Variants in CTNNAL1 observed in about 807,000 individuals in gnomAD.
CTNNAL1 encodes the protein catenin alpha like 1.
Under a neutral mutation model 93.6 loss-of-function variants are expected in CTNNAL1, and 69 were observed. The ratio of observed to expected loss-of-function variants is 0.74; its 90% CI spans 0.61 to 0.90. The LOEUF is 0.90. Ranked by LOEUF, CTNNAL1 falls within the 40% of genes least tolerant of loss-of-function variation. The pLI, the probability that CTNNAL1 is intolerant of heterozygous loss-of-function variation, is 0.00. For missense variants in CTNNAL1, 836 were observed against 862.0 expected (o/e 0.97, Z 0.38); for synonymous variants, 286 against 305.4 (o/e 0.94, Z 0.66).
At chr9:109,012,223 G>GAC (rs1434506212) in intron 1 of CTNNAL1, among the ~76,000 whole-genome samples, 5 of 152,206 alleles carry the variant, frequency 3.3e-5, no homozygotes, top group African/African-American at 1.2e-4. Context: ...CTGGGCAGGA[G>GAC]AAGAGATAAT....
chr9:108,991,873 T>C, intron 3 of CTNNAL1: 1 of 575,630 alleles, frequency 1.7e-6, no homozygotes, highest in East Asian at 3.1e-5. Flanking sequence ...GTACATACCC[T>C]GGATTCCCAG....
Position 108,966,274 on chromosome 9 carries a change from G to A in CTNNAL1, c.1441-746C>T, listed in dbSNP as rs528598092. On this transcript the variant is annotated intron_variant, in intron 10 of 18. Coordinates refer to ENST00000325551, the MANE Select transcript of CTNNAL1 (RefSeq NM_003798.4). Reference sequence around the variant, plus strand: ...GCAGAAATCATCCTGGTACTTTTACGTACCACCACATGGGCTAAATAAATG... The same window carrying A: ...GCAGAAATCATCCTGGTACTTTTACATACCACCACATGGGCTAAATAAATG... Among the ~76,000 whole-genome samples the A allele has an allele frequency of 3.0e-4, 46 of 152,272 alleles. 1 individual carries two copies. The South Asian group carries it at 8.3e-3, about 27-fold the overall frequency.
chr9:108,958,576 T>C (rs974267379), intron 11 of CTNNAL1, among the ~76,000 whole-genome samples: 2 of 152,168 alleles, frequency 1.3e-5, no homozygotes, highest in African/African-American at 4.8e-5. Flanking sequence ...CCACATACTA[T>C]GCAGGTAAGA....
chr9:108,957,857 C>T (rs1307286991), intron 11 of CTNNAL1, among the ~76,000 whole-genome samples: 2 of 151,918 alleles, frequency 1.3e-5, no homozygotes, highest in Non-Finnish European at 2.9e-5. Context: ...GTGGCTCATG[C>T]CTGTAATCTT....
intron 1 of CTNNAL1, among the ~76,000 whole-genome samples, chr9:109,000,105 T>C (rs28361106): frequency 0.22 from 33,894 of 152,252 alleles, 4,547 homozygotes; most frequent in Admixed American, 0.3. Context: ...AAGCACTTTA[T>C]ATGTATGTTT....
chr9:109,001,169 C>T (rs1315527005), intron 1 of CTNNAL1, among the ~76,000 whole-genome samples: 1 of 108,896 alleles, frequency 9.2e-6, no homozygotes, highest in Non-Finnish European at 1.8e-5. Context: ...GAGACTCCAT[C>T]TCCAAAAAAA....
At chr9:108,964,333 T>C (rs1295485096) in intron 11 of CTNNAL1, among the ~76,000 whole-genome samples, 1 of 152,118 alleles carries the variant, frequency 6.6e-6, no homozygotes, top group Non-Finnish European at 1.5e-5. Flanking sequence ...TAAATGGGCA[T>C]ACTCAATAAA....
intron 2 of CTNNAL1, among the ~76,000 whole-genome samples, chr9:108,997,702 A>G (rs920967157): frequency 2.0e-5 from 3 of 152,132 alleles, no homozygotes; most frequent in African/African-American, 7.2e-5. Context: ...AGCTGTTCAT[A>G]TCCCAAATCT....
At chr9:108,952,645 A>T (rs28361164) in intron 12 of CTNNAL1, 151 bp from the exon 13 acceptor site, 19,936 of 1,007,794 alleles carry the variant, frequency 0.02, 275 homozygotes, top group Non-Finnish European at 0.024. Flanking sequence ...AATTGCAAGT[A>T]CTCTACTAGT....
At chr9:108,952,931 A>G (rs1830603856) in intron 12 of CTNNAL1, among the ~76,000 whole-genome samples, 1 of 152,208 alleles carries the variant, frequency 6.6e-6, no homozygotes, top group African/African-American at 2.4e-5. Context: ...GTAGTTTTCT[A>G]TACATTCCTT....
intron 17 of CTNNAL1, 103 bp from the exon 18 acceptor site, chr9:108,943,147 C>G (rs1830294084): frequency 9.5e-7 from 1 of 1,055,196 alleles, no homozygotes; most frequent in South Asian, 1.7e-5. Flanking sequence ...ATATGGAAAT[C>G]TAAGGGATCT....
rs1175922633 is a variant in CTNNAL1, at chr9:108,984,440, A to C, written c.640-4T>G. The C allele has an allele frequency of 1.3e-6, 2 of 1,572,896 alleles. No individual in the cohort carries two copies. Among genetic ancestry groups the C allele is most frequent in the Non-Finnish European group, 1.7e-6 (2 of 1,143,204 alleles). ...TTTTCTTTTCATCTTTCAAATCCTA[A>C]ATATGAAATAAAATCACGGAGGAGT... On this transcript the variant is annotated splice_region_variant and splice_polypyrimidine_tract_variant and intron_variant, in intron 4 of 18. Coordinates refer to ENST00000325551, the MANE Select transcript of CTNNAL1 (RefSeq NM_003798.4).
intron 11 of CTNNAL1, among the ~76,000 whole-genome samples, chr9:108,957,979 G>A (rs567152531): frequency 4.8e-4 from 71 of 149,052 alleles, no homozygotes; most frequent in Non-Finnish European, 8.0e-4. Flanking sequence ...TTAGCCAGGC[G>A]TAGTGGTGCA....
At chr9:108,995,449 G>A (rs1831981707) in intron 2 of CTNNAL1, among the ~76,000 whole-genome samples, 1 of 152,150 alleles carries the variant, frequency 6.6e-6, no homozygotes, top group African/African-American at 2.4e-5. Flanking sequence ...GTAACATTTG[G>A]TTGGCTCCAC....
At chr9:108,969,072 C>A (rs1178373899) in intron 10 of CTNNAL1, among the ~76,000 whole-genome samples, 3 of 151,912 alleles carry the variant, frequency 2.0e-5, no homozygotes, top group Non-Finnish European at 2.9e-5. Flanking sequence ...GGGTTTCAGA[C>A]CAGCCTGACC....
chr9:108,975,757 T>C (rs1412047532), intron 8 of CTNNAL1, among the ~76,000 whole-genome samples: 1 of 152,216 alleles, frequency 6.6e-6, no homozygotes, highest in Non-Finnish European at 1.5e-5. Context: ...GGCCCTATTG[T>C]GACTATCCAA....
intron 1 of CTNNAL1, among the ~76,000 whole-genome samples, chr9:109,009,530 G>C (rs147081210): frequency 1.5e-3 from 230 of 151,986 alleles, no homozygotes; most frequent in Non-Finnish European, 2.3e-3. Flanking sequence ...CTGTTCTAGG[G>C]TTTTCTATTC....
In CTNNAL1 at chr9:109,000,630, T is replaced by C. The variant is rs1826774483; in HGVS notation, c.142-1374A>G. 2.7e-5 allele frequency among the ~76,000 whole-genome samples: 4 copies of C among 149,816 alleles called. No individual in the cohort carries two copies. In the South Asian group the frequency reaches 8.4e-4, roughly 31 times the overall value. On this transcript the variant is annotated intron_variant, in intron 1 of 18. Coordinates refer to ENST00000325551, the MANE Select transcript of CTNNAL1 (RefSeq NM_003798.4). ...ACAAAGCGATATTTAAGCTGAGATC[T>C]AAATGATAGCAAAGCAGTCAGACCA... is the stretch of plus-strand genomic sequence containing the variant.
intron 11 of CTNNAL1, among the ~76,000 whole-genome samples, chr9:108,960,884 G>A (rs2132111290): frequency 6.6e-6 from 1 of 152,328 alleles, no homozygotes; most frequent in South Asian, 2.1e-4. Context: ...GAAAGCAGAA[G>A]ACAGGAAGAC....
Sources: allele counts gnomAD v4.1 joint callset (sites outside exome capture counted in the v4.1 genomes callset), GRCh38; gene constraint gnomAD v4.1.1; transcripts MANE v1.5; gene names NCBI Gene and HGNC (gene_info 2026-07-23, HGNC 2026-07-21).